The following GRIA3 variants were observed in gnomAD, a reference collection of about 807,000 sequenced individuals.
GRIA3 encodes glutamate receptor 3.
GRIA3 carries 3 observed loss-of-function variants against 63.0 expected under a neutral mutation model. That is an observed-to-expected ratio of 0.05 (90% CI 0.02 to 0.12). The LOEUF (loss-of-function observed/expected upper bound fraction) is 0.12. GRIA3 is among the 10% of genes least tolerant of loss of function. The probability of loss-of-function intolerance (pLI) is 1.00; values close to 1 mark genes in which losing one functional copy is unlikely to be tolerated. For missense variants in GRIA3, 347 were observed against 700.9 expected (o/e 0.50, Z 5.70); for synonymous variants, 274 against 257.9 (o/e 1.06, Z -0.60).
intron 4 of GRIA3, among the ~76,000 whole-genome samples, chrX:123,333,903 G>C (rs1050302958): frequency 9.0e-6 from 1 of 110,897 alleles, no homozygotes; most frequent in Non-Finnish European, 1.9e-5. Flanking sequence ...GCCATTCCAG[G>C]TGTCTCTCTG....
At chrX:123,457,168 C>T (rs1454005416) in intron 12 of GRIA3, among the ~76,000 whole-genome samples, 1 of 111,114 alleles carries the variant, frequency 9.0e-6, no homozygotes, top group Non-Finnish European at 1.9e-5. Flanking sequence ...TTCTCCAGCC[C>T]TTGAAAGGCA....
At chrX:123,186,523 G>A (rs2147244618) in intron 2 of GRIA3, among the ~76,000 whole-genome samples, 1 of 111,733 alleles carries the variant, frequency 8.9e-6, no homozygotes, top group East Asian at 2.8e-4. Context: ...AAGTGACCTT[G>A]AGGGGCAGAA....
At chrX:123,206,175 T>C (rs1032896688) in intron 2 of GRIA3, among the ~76,000 whole-genome samples, 6 of 111,664 alleles carry the variant, frequency 5.4e-5, no homozygotes, top group Non-Finnish European at 1.1e-4. Context: ...ACCTGTAATT[T>C]CAAAGGAAAA....
intron 4 of GRIA3, among the ~76,000 whole-genome samples, chrX:123,329,124 G>A (rs1341729227): frequency 1.8e-5 from 2 of 111,729 alleles, no homozygotes; most frequent in Non-Finnish European, 3.8e-5. Context: ...CTCCAAGAGT[G>A]TATTCAGCTC....
At chrX:123,186,250 A>G (rs1167849402) in intron 2 of GRIA3, among the ~76,000 whole-genome samples, 2 of 110,805 alleles carry the variant, frequency 1.8e-5, no homozygotes, top group Admixed American at 1.9e-4. Context: ...ATTTTCCTCC[A>G]TGCTAACCTA....
chrX:123,428,207 A>C, intron 12 of GRIA3, 68 bp downstream of exon 12: 1 of 736,716 alleles, frequency 1.4e-6, no homozygotes, highest in Non-Finnish European at 2.1e-6. Flanking sequence ...AGGCAAGTTC[A>C]CAGTGCTTTT....
chrX:123,201,999 A>T (rs1426141758), intron 2 of GRIA3, among the ~76,000 whole-genome samples: 1 of 112,265 alleles, frequency 8.9e-6, no homozygotes, highest in Non-Finnish European at 1.9e-5. Context: ...CTTTGCAGTC[A>T]GTCCTTAGTT....
intron 3 of GRIA3, among the ~76,000 whole-genome samples, chrX:123,319,581 A>G (rs1337548628): frequency 8.9e-6 from 1 of 111,844 alleles, no homozygotes; most frequent in Non-Finnish European, 1.9e-5. Context: ...TACCTCAGAA[A>G]AGGAAAGATA....
chrX:123,189,305 T>C (rs1164512831), intron 2 of GRIA3, among the ~76,000 whole-genome samples: 1 of 112,235 alleles, frequency 8.9e-6, no homozygotes, highest in African/African-American at 3.2e-5. Flanking sequence ...TGAAGAGAGA[T>C]GTATACACAT....
At chrX:123,317,718 G>T (rs1286504017) in intron 3 of GRIA3, among the ~76,000 whole-genome samples, 1 of 111,854 alleles carries the variant, frequency 8.9e-6, no homozygotes, top group African/African-American at 3.3e-5. Flanking sequence ...TGCTTTCATG[G>T]GCTAGTGTTG....
intron 12 of GRIA3, among the ~76,000 whole-genome samples, chrX:123,463,576 A>AAGGAAGGAAGGAAGGG (rs1569440728): frequency 7.3e-5 from 1 of 13,736 alleles, no homozygotes; most frequent in African/African-American, 3.6e-4. Context: ...GGAAGGAAGG[A>AAGGAAGGAAGGAAGGG]AGGGAGGGAG....
chrX:123,384,294 T>C (rs2045341801), intron 5 of GRIA3, among the ~76,000 whole-genome samples: 1 of 112,424 alleles, frequency 8.9e-6, no homozygotes, highest in African/African-American at 3.2e-5. Flanking sequence ...TCCACAATGG[T>C]TGAACTAATT....
At chrX:123,387,794 G>A (rs140280713) in intron 5 of GRIA3, among the ~76,000 whole-genome samples, 35 of 112,161 alleles carry the variant, frequency 3.1e-4, no homozygotes, top group African/African-American at 9.7e-4. Flanking sequence ...ACTTGATCAT[G>A]GTGTATCTTT....
intron 10 of GRIA3, among the ~76,000 whole-genome samples, chrX:123,405,664 G>A (rs1244736580): frequency 1.8e-5 from 2 of 111,714 alleles, no homozygotes; most frequent in Non-Finnish European, 3.8e-5. Context: ...AAGTACTTTT[G>A]TGTCTCTTCA....
At chrX:123,277,728 A>G in intron 3 of GRIA3, among the ~76,000 whole-genome samples, 1 of 112,302 alleles carries the variant, frequency 8.9e-6, no homozygotes, top group Non-Finnish European at 1.9e-5. Context: ...CTGTTCTCAA[A>G]TCACAGTTCT....
intron 11 of GRIA3, among the ~76,000 whole-genome samples, chrX:123,422,292 G>A (rs2045567587): frequency 8.9e-6 from 1 of 112,254 alleles, no homozygotes; most frequent in African/African-American, 3.2e-5. Context: ...ATTATTCACA[G>A]CTACCTAGAA....
chrX:123,411,118 T>C (rs1270583748), intron 10 of GRIA3, among the ~76,000 whole-genome samples: 1 of 111,733 alleles, frequency 8.9e-6, no homozygotes, highest in African/African-American at 3.3e-5. Context: ...GCAATTATAT[T>C]CCTATTGTCT....
At chrX:123,266,340 C>T (rs1426585821) in intron 3 of GRIA3, among the ~76,000 whole-genome samples, 1 of 111,390 alleles carries the variant, frequency 9.0e-6, no homozygotes, top group African/African-American at 3.3e-5. Flanking sequence ...GTTCTGAATT[C>T]CGAATTTATT....
intron 1 of GRIA3, chrX:123,185,061 G>T: frequency 3.1e-6 from 1 of 324,694 alleles, no homozygotes; most frequent in Non-Finnish European, 6.0e-6. Context: ...GCGCCAGGGC[G>T]CATAACCCGG....
Sources: gnomAD v4.1 joint callset for allele counts (sites outside exome capture counted in the v4.1 genomes callset) on GRCh38, gnomAD v4.1.1 for gene constraint, MANE v1.5 for transcripts, NCBI Gene and HGNC (gene_info 2026-07-23, HGNC 2026-07-21) for gene names.